Variants in ANKRD12 observed in about 807,000 individuals in gnomAD.
ANKRD12 encodes the protein ankyrin repeat domain-containing protein 12.
ANKRD12 carries 85 observed loss-of-function variants against 183.4 expected under a neutral mutation model. The observed-to-expected ratio is 0.46, with a 90% CI of 0.39 to 0.56. The LOEUF is 0.56. ANKRD12 is among the 20% of genes least tolerant of loss of function. The pLI, the probability that ANKRD12 is intolerant of heterozygous loss-of-function variation, is 0.00. For missense variants in ANKRD12, 2,405 were observed against 2,357.1 expected (o/e 1.02, Z -0.42); for synonymous variants, 914 against 800.2 (o/e 1.14, Z -2.40).
At chr18:9,173,628 A>AGGG (rs775694472) in intron 1 of ANKRD12, among the ~76,000 whole-genome samples, 1,987 of 51,208 alleles carry the variant, frequency 0.039, 1 homozygote, top group African/African-American at 0.046. Context: ...GGGGGGGGGT[A>AGGG]GGGGGGGCAG....
At chr18:9,235,651 A>G (rs1567948587) in intron 8 of ANKRD12, 6 of 456,164 alleles carry the variant, frequency 1.3e-5, no homozygotes, top group Admixed American at 2.3e-5. Flanking sequence ...CCAGCTACCA[A>G]TTTGCAGGAA....
chr18:9,170,620 T>C (rs1372658600), intron 1 of ANKRD12, among the ~76,000 whole-genome samples: 2 of 152,300 alleles, frequency 1.3e-5, no homozygotes, highest in East Asian at 1.9e-4. Context: ...AATTTTTTTT[T>C]CAAAGCTTTT....
At chr18:9,161,440 A>G (rs2031403970) in intron 1 of ANKRD12, among the ~76,000 whole-genome samples, 1 of 151,632 alleles carries the variant, frequency 6.6e-6, no homozygotes, top group African/African-American at 2.4e-5. Context: ...CAGTGGCGCG[A>G]TCTCGGCTCA....
chr18:9,220,827 A>G (rs1043334106), intron 7 of ANKRD12, among the ~76,000 whole-genome samples: 29 of 152,164 alleles, frequency 1.9e-4, no homozygotes, highest in African/African-American at 6.8e-4. Flanking sequence ...TTAGAACATG[A>G]GAGAGTATAT....
chr18:9,147,106 G>A (rs980735798), intron 1 of ANKRD12, among the ~76,000 whole-genome samples: 2 of 152,124 alleles, frequency 1.3e-5, no homozygotes, highest in African/African-American at 2.4e-5. Context: ...GAATTTGGAC[G>A]TAGTTTTTTT....
At chr18:9,236,036 A>G (rs936932627) in intron 8 of ANKRD12, among the ~76,000 whole-genome samples, 5 of 151,984 alleles carry the variant, frequency 3.3e-5, no homozygotes, top group Admixed American at 3.3e-4. Flanking sequence ...TTGAGAAGGG[A>G]CCAGCAATAG....
chr18:9,262,821 CAG>C (rs1485369951), intron 9 of ANKRD12, among the ~76,000 whole-genome samples: 43 of 74,296 alleles, frequency 5.8e-4, no homozygotes, highest in Non-Finnish European at 7.1e-4. Context: ...TTTTTTGAGA[CAG>C]AGTCTCGCTC....
chr18:9,277,595 A>G (rs1042565788), intron 11 of ANKRD12, among the ~76,000 whole-genome samples: 7 of 151,680 alleles, frequency 4.6e-5, no homozygotes, highest in South Asian at 2.1e-4. Context: ...CCAAAGTGCT[A>G]GGATTACAGG....
At chr18:9,243,720 A>G (rs796108070) in intron 8 of ANKRD12, among the ~76,000 whole-genome samples, 7 of 152,376 alleles carry the variant, frequency 4.6e-5, no homozygotes, top group African/African-American at 1.7e-4. Context: ...ATTTGATGAC[A>G]TATGAAGAAT....
chr18:9,179,224 C>CTT (rs2033520196), intron 1 of ANKRD12, among the ~76,000 whole-genome samples: 1 of 152,076 alleles, frequency 6.6e-6, no homozygotes, highest in African/African-American at 2.4e-5. Context: ...GAAATAAGGC[C>CTT]TGTTTTACCA....
chr18:9,167,680 T>G (rs1017239925), intron 1 of ANKRD12, among the ~76,000 whole-genome samples: 1 of 152,204 alleles, frequency 6.6e-6, no homozygotes, highest in Non-Finnish European at 1.5e-5. Flanking sequence ...CAATTTGACT[T>G]CCTCTTTTCC....
At chr18:9,152,517 T>G (rs1024899300) in intron 1 of ANKRD12, among the ~76,000 whole-genome samples, 3 of 152,134 alleles carry the variant, frequency 2.0e-5, no homozygotes, top group Non-Finnish European at 2.9e-5. Context: ...GTTTTTGGTC[T>G]TCTTTAGTGG....
intron 1 of ANKRD12, among the ~76,000 whole-genome samples, chr18:9,173,271 T>G (rs902546547): frequency 7.9e-5 from 12 of 152,066 alleles, no homozygotes; most frequent in Non-Finnish European, 1.3e-4. Context: ...GGCTTCACAA[T>G]GTTGGCCAGG....
intron 1 of ANKRD12, among the ~76,000 whole-genome samples, chr18:9,172,025 C>A (rs375892788): frequency 4.0e-3 from 504 of 125,480 alleles, no homozygotes; most frequent in Middle Eastern, 8.0e-3. Context: ...AGCTCCACCT[C>A]AAAAAAAAAA....
intron 3 of ANKRD12, among the ~76,000 whole-genome samples, chr18:9,200,871 C>A (rs1458291307): frequency 6.6e-6 from 1 of 152,210 alleles, no homozygotes; most frequent in Non-Finnish European, 1.5e-5. Context: ...TGCCATCAGG[C>A]ACTGATCTCT....
intron 9 of ANKRD12, 127 bp downstream of exon 9, chr18:9,259,058 C>G (rs983708462): frequency 3.6e-6 from 4 of 1,110,802 alleles, no homozygotes; most frequent in Admixed American, 2.7e-5. Context: ...GTCAGTGAGT[C>G]GAGATATAAA....
intron 10 of ANKRD12, among the ~76,000 whole-genome samples, chr18:9,272,557 A>G (rs1320479696): frequency 6.6e-6 from 1 of 151,722 alleles, no homozygotes; most frequent in Non-Finnish European, 1.5e-5. Context: ...GTGGGACTCC[A>G]TCTCAAAAAA....
chr18:9,250,733 C>T (rs140268466), intron 8 of ANKRD12, among the ~76,000 whole-genome samples: 1 of 152,056 alleles, frequency 6.6e-6, no homozygotes, highest in African/African-American at 2.4e-5. Context: ...AAACAAGAGA[C>T]TCCAGAAATC....
rs749885354 is a variant in ANKRD12, at chr18:9,257,740, T to G, written c.4473T>G (p.Pro1491=). 1.2e-6 allele frequency: 2 copies of G among 1,613,972 alleles called. No homozygotes were observed. The highest frequency in any genetic ancestry group is 4.5e-5 in the East Asian group (2 of 44,894). Reference sequence around the variant, plus strand: ...CATCCTTTATGCCTCCACAGCAGCCTTGCTCTTTCCCCAGCCAATCACTTT... The same window carrying G: ...CATCCTTTATGCCTCCACAGCAGCCGTGCTCTTTCCCCAGCCAATCACTTT... The part of the protein sequence containing the change: ...DPASFMPPQQ[P]CSFPSQSLSD... Residue 1491 remains proline, a synonymous_variant, in exon 9 of 13, where the codon CCT becomes CCG. Coordinates refer to ENST00000262126, the MANE Select transcript of ANKRD12 (RefSeq NM_015208.5).
Sources: allele counts gnomAD v4.1 joint callset (sites outside exome capture counted in the v4.1 genomes callset), GRCh38; gene constraint gnomAD v4.1.1; transcripts MANE v1.5; gene names NCBI Gene and HGNC (gene_info 2026-07-23, HGNC 2026-07-21).